MALT1: variants seen among roughly 807,000 people sequenced by gnomAD.
The protein encoded by MALT1 is MALT1 paracaspase.
In MALT1, 36 loss-of-function variants were observed where a neutral mutation model predicts 85.5. The observed-to-expected ratio is 0.42, with a 90% CI of 0.32 to 0.56. The LOEUF (loss-of-function observed/expected upper bound fraction) is 0.56. Among genes scored for constraint, MALT1 ranks in the 20% least tolerant of loss-of-function variants. The pLI is 0.10. For missense variants in MALT1, 716 were observed against 981.6 expected, an observed-to-expected ratio of 0.73 and a Z score of 3.62; for synonymous variants, 359 against 361.3, an observed-to-expected ratio of 0.99 and a Z score of 0.07.
In MALT1 at chr18:58,724,046, C is replaced by T. The variant is rs578245251; in HGVS notation, c.1222+795C>T. On this transcript the variant is annotated intron_variant, in intron 10 of 16. Transcript: ENST00000649217. ...TCAGATTGCCAGGGAAGTGACATTT[C>T]CAGGCCTGTTGTTAGGCATGCAATG... Among the ~76,000 whole-genome samples, 6 of 152,286 alleles carry T rather than the reference C, an allele frequency of 3.9e-5. No homozygotes were observed. The South Asian group carries it at 1.2e-3, about 32-fold the overall frequency.
At chr18:58,699,701 A>C (rs2054644055) in intron 3 of MALT1, among the ~76,000 whole-genome samples, 1 of 152,252 alleles carries the variant, frequency 6.6e-6, no homozygotes, top group Non-Finnish European at 1.5e-5. Context: ...CATCAGATTA[A>C]CCTGTTCTTT....
In MALT1 at chr18:58,717,922, G is replaced by C. The variant is rs189280640; in HGVS notation, c.1018+1955G>C. ...CATAGCCATCATATTCTGTAGAGAG[G>C]AGCATACATATGTCTTAGGTACACA... On this transcript the variant is annotated intron_variant, in intron 9 of 16. Transcript: ENST00000649217. Among the ~76,000 whole-genome samples the C allele has an allele frequency of 2.6e-4, 39 of 152,224 alleles. No individual in the cohort carries two copies. In the East Asian group the frequency reaches 7.3e-3, roughly 29 times the overall value.
intron 1 of MALT1, among the ~76,000 whole-genome samples, 177 bp downstream of exon 1, chr18:58,672,029 C>T (rs1263452489): frequency 6.6e-6 from 1 of 152,140 alleles, no homozygotes; most frequent in Non-Finnish European, 1.5e-5. Context: ...CCCCGGAACG[C>T]CTGGGGTTTG....
At chr18:58,737,293 A>G (rs1035481849) in intron 13 of MALT1, among the ~76,000 whole-genome samples, 14 of 152,126 alleles carry the variant, frequency 9.2e-5, no homozygotes, top group African/African-American at 3.1e-4. Context: ...CAACCTAGGC[A>G]ACATTGTCAG....
chr18:58,698,345 G>A (rs542530997), intron 3 of MALT1, among the ~76,000 whole-genome samples: 9 of 152,144 alleles, frequency 5.9e-5, no homozygotes, highest in Non-Finnish European at 1.0e-4. Flanking sequence ...GATTACAGGC[G>A]TGAGCTGTCG....
chr18:58,724,573 G>A (rs1026164964), intron 10 of MALT1, among the ~76,000 whole-genome samples: 5 of 152,152 alleles, frequency 3.3e-5, no homozygotes, highest in Admixed American at 6.5e-5. Flanking sequence ...CTAAAACTTC[G>A]TGAGTGCCAA....
intron 8 of MALT1, among the ~76,000 whole-genome samples, chr18:58,715,489 C>T (rs1366921116): frequency 6.6e-6 from 1 of 152,164 alleles, no homozygotes; most frequent in East Asian, 1.9e-4. Flanking sequence ...AGGTGCGGGG[C>T]GGGATTTTAT....
intron 2 of MALT1, among the ~76,000 whole-genome samples, chr18:58,684,272 G>A (rs920536243): frequency 6.6e-6 from 1 of 151,808 alleles, no homozygotes; most frequent in Non-Finnish European, 1.5e-5. Flanking sequence ...GAAGTTTTAT[G>A]TCATGTTAGC....
At position 58,710,901 on chromosome 18, in the gene MALT1, T is replaced by C; in HGVS notation, c.926-20T>C. ...GATCATGAATTACAATATATTCAAATTTGTTTTTTCTGAAACAAGGAAGAA... is the reference window on the plus strand; with the variant it reads ...GATCATGAATTACAATATATTCAAACTTGTTTTTTCTGAAACAAGGAAGAA... On this transcript the variant is annotated intron_variant, in intron 6 of 16. Coordinates refer to ENST00000649217, the MANE Select transcript of MALT1 (RefSeq NM_006785.4). 6.4e-7 allele frequency: 1 copy of C among 1,565,162 alleles called. No individual in the cohort carries two copies. Among genetic ancestry groups the C allele is most frequent in the East Asian group, 2.3e-5 (1 of 43,286 alleles).
intron 2 of MALT1, among the ~76,000 whole-genome samples, chr18:58,685,525 A>G (rs1326224969): frequency 1.3e-5 from 2 of 152,170 alleles, no homozygotes; most frequent in Non-Finnish European, 2.9e-5. Context: ...GTATCCATGC[A>G]TCTCTAACTA....
chr18:58,731,508 G>A (rs2055148798), intron 10 of MALT1, among the ~76,000 whole-genome samples: 1 of 152,098 alleles, frequency 6.6e-6, no homozygotes, highest in African/African-American at 2.4e-5. Flanking sequence ...TTTTTTGCTA[G>A]GCTAGTCTCT....
intron 2 of MALT1, among the ~76,000 whole-genome samples, chr18:58,682,609 A>G (rs1323603301): frequency 6.6e-6 from 1 of 152,180 alleles, no homozygotes; most frequent in Non-Finnish European, 1.5e-5. Flanking sequence ...TTAACCTGTC[A>G]CTGTGCCAAG....
chr18:58,707,023 T>C (rs1002867936), intron 4 of MALT1, among the ~76,000 whole-genome samples: 1 of 151,546 alleles, frequency 6.6e-6, no homozygotes, highest in Non-Finnish European at 1.5e-5. Flanking sequence ...TTGTAAGCTC[T>C]TTTTTTTTCT....
chr18:58,720,777 T>A (rs1449253339), intron 9 of MALT1, among the ~76,000 whole-genome samples: 6 of 152,236 alleles, frequency 3.9e-5, no homozygotes. Context: ...AAATCTATGA[T>A]GTGTATAATT....
chr18:58,698,062 G>GTTTTTT (rs1490530395), intron 3 of MALT1, among the ~76,000 whole-genome samples: 3 of 110,938 alleles, frequency 2.7e-5, no homozygotes, highest in Non-Finnish European at 5.4e-5. Flanking sequence ...TTGTTGTTTT[G>GTTTTTT]TTTTGTTTTT....
rs2055195355 is a variant in MALT1, at chr18:58,734,320, G to A, written c.1414G>A (p.Asp472Asn). Residue 472 changes from aspartate to asparagine, a missense_variant, in exon 12 of 17, where the codon GAT (aspartate) becomes AAT (asparagine). Asp to Asn is a conservative substitution (Grantham distance 23). Transcript: ENST00000649217. ...TCCCTTAAATAGAAATGACTACGAT[G>A]ATACCATTCCAATCTTGGATGCACT... ...DMCRKRNDYD[D>N]TIPILDALKV... 6.2e-6 allele frequency: 10 copies of A among 1,612,702 alleles called. No homozygotes were observed. The highest frequency in any genetic ancestry group is 8.5e-6 in the Non-Finnish European group (10 of 1,178,752).
rs1401153972 is a variant in MALT1, at chr18:58,745,745, C to G, written c.1991C>G (p.Pro664Arg). ...AGCTACTTGGTATCAAAGGATCTTC[C>G]CAAGCATTGCCTCTATACCAGACTC... ...TGSYLVSKDL[P>R]KHCLYTRLSS... The change falls in exon 16 of 17, where the codon CCC (proline) becomes CGC (arginine). Residue 664 changes from proline to arginine, a missense_variant. Around this residue, in one of 4 missense-constraint regions of MALT1, gnomAD observed 260 missense variants for 323.7 expected, o/e 0.80. Coordinates refer to ENST00000649217, the MANE Select transcript of MALT1 (RefSeq NM_006785.4). 1 of 1,613,632 alleles carries G rather than the reference C, an allele frequency of 6.2e-7. No individual in the cohort carries two copies. The highest frequency in any genetic ancestry group is 2.2e-5 in the East Asian group (1 of 44,852).
chr18:58,690,155 A>G (rs1038530290), intron 2 of MALT1, among the ~76,000 whole-genome samples: 22 of 152,216 alleles, frequency 1.4e-4, no homozygotes, highest in Admixed American at 3.9e-4. Context: ...TGCCTACTTC[A>G]TATCTCTGTG....
chr18:58,741,764 CT>C, intron 13 of MALT1, 100 bp from the exon 14 acceptor site: 6 of 623,314 alleles, frequency 9.6e-6, no homozygotes, highest in Non-Finnish European at 1.5e-5. Flanking sequence ...ATAAATGATA[CT>C]GAGAATATAA....
Sources: gnomAD v4.1 joint callset for allele counts (sites outside exome capture counted in the v4.1 genomes callset) on GRCh38, gnomAD v4.1.1 for gene constraint, gnomAD v4.1.1 regional missense constraint, MANE v1.5 for transcripts, NCBI Gene and HGNC (gene_info 2026-07-23, HGNC 2026-07-21) for gene names.